The following NACC2 variants were observed in gnomAD, a reference collection of about 807,000 sequenced individuals.
NACC2 encodes NACC family member 2.
A neutral mutation model predicts 25.1 loss-of-function variants in NACC2; 8 were observed. The observed-to-expected ratio is 0.32, with a 90% CI of 0.19 to 0.57. NACC2 has a LOEUF of 0.57. Ranked by LOEUF, NACC2 falls within the 20% of genes least tolerant of loss-of-function variation. The pLI is 0.89. For missense variants in NACC2, 644 were observed against 650.2 expected, an observed-to-expected ratio of 0.99 and a Z score of 0.10; for synonymous variants, 435 against 294.7, an observed-to-expected ratio of 1.48 and a Z score of -4.88.
rs377302423 is a variant in NACC2 at position 136,060,513 on chromosome 9, C to T, written c.-59-9933G>A. On this transcript the variant is annotated intron_variant, in intron 1 of 5. Coordinates refer to ENST00000277554, the MANE Select transcript of NACC2 (RefSeq NM_144653.5). Reference sequence around the variant, plus strand: ...CAGGCCCAGGCCCCATCCCTCTCCCCTCCCTGAGGGTCAGCTCCACACTGG... The same window carrying T: ...CAGGCCCAGGCCCCATCCCTCTCCCTTCCCTGAGGGTCAGCTCCACACTGG... Among the ~76,000 whole-genome samples the T allele has an allele frequency of 5.1e-4, 78 of 152,376 alleles. 1 individual carries two copies. The East Asian group carries it at 0.011, about 22-fold the overall frequency.
rs1342029979 is a variant in NACC2 at position 136,050,031 on chromosome 9, G to GAGGGGGACACGACGT, written c.476_490dup (p.Tyr159_Pro163dup). 5.7e-6 allele frequency: 4 copies of GAGGGGGACACGACGT among 706,048 alleles called. No individual in the cohort carries two copies. The highest frequency in any genetic ancestry group is 1.7e-5 in the African/African-American group (1 of 57,912). The allele number at this position is 706,048 out of a possible 1,614,324, so 43.7% of individuals were successfully genotyped here. ...TCGGGTCAGCAGCGGGATGGGCACC[G>GAGGGGGACACGACGT]AGGGGGACACGACGTAGGGGGCCGC... is the stretch of plus-strand genomic sequence containing the variant. On this transcript the variant is annotated inframe_insertion, in exon 2 of 6. Transcript: ENST00000277554.
intron 2 of NACC2, among the ~76,000 whole-genome samples, chr9:136,027,204 G>A (rs1421328270): frequency 1.3e-5 from 2 of 152,170 alleles, no homozygotes; most frequent in Admixed American, 6.5e-5. Flanking sequence ...CAGCCTGGAC[G>A]ATGGAGCAAG....
intron 2 of NACC2, among the ~76,000 whole-genome samples, chr9:136,024,097 G>A (rs952791889): frequency 2.6e-4 from 40 of 151,918 alleles, no homozygotes; most frequent in Admixed American, 2.0e-4. Flanking sequence ...GCCAGAGTGT[G>A]TGTGTGTGTG....
intron 1 of NACC2, among the ~76,000 whole-genome samples, chr9:136,075,187 C>T (rs73552954): frequency 0.03 from 4,574 of 152,358 alleles, 84 homozygotes; most frequent in African/African-American, 0.047. Context: ...GCAACGCCCC[C>T]CACACACAGA....
intron 1 of NACC2, among the ~76,000 whole-genome samples, chr9:136,090,408 G>T (rs2131192816): frequency 6.6e-6 from 1 of 152,364 alleles, no homozygotes; most frequent in East Asian, 1.9e-4. Flanking sequence ...GAGTGAGAAG[G>T]TAACTCCTCC....
chr9:136,028,548 G>A (rs1840430206), intron 2 of NACC2, among the ~76,000 whole-genome samples: 1 of 152,146 alleles, frequency 6.6e-6, no homozygotes, highest in Admixed American at 6.5e-5. Context: ...GTCTGGACCA[G>A]CCACTGCCAT....
Position 136,013,182 on chromosome 9 carries a change from G to GA in NACC2, c.1255+16dup. ...CAGCCCCGGCCCCACCCACCCGAGA[G>GA]ACCCCCAGGCTCTTACATTTCACAG... On this transcript the variant is annotated intron_variant, in intron 5 of 5. Transcript: ENST00000277554. The surrounding 1 kb of genome is among the most constrained non-coding windows in gnomAD (Gnocchi z 6.6). 1.1e-6 allele frequency: 1 copy of GA among 888,470 alleles called. No individual in the cohort carries two copies. The highest frequency in any genetic ancestry group is 1.3e-5 in the South Asian group (1 of 76,242). 55.0% of individuals were successfully genotyped at this position (888,470 alleles called of 1,614,324 possible).
At position 136,055,863 on chromosome 9, in the gene NACC2, A is replaced by C. The variant is rs1302599366; in HGVS notation, c.-59-5283T>G. On this transcript the variant is annotated intron_variant, in intron 1 of 5. Coordinates refer to ENST00000277554, the MANE Select transcript of NACC2 (RefSeq NM_144653.5). The surrounding 1 kb of genome is among the most constrained non-coding windows in gnomAD (Gnocchi z 4.9). ...TAGTTAAGTGAGGACATCTCCTAAA[A>C]GGTCAATCGAAGGCGCTCCTGGAGC... 2.6e-5 allele frequency among the ~76,000 whole-genome samples: 4 copies of C among 152,130 alleles called. No homozygotes were observed. The highest frequency in any genetic ancestry group is 4.4e-5 in the Non-Finnish European group (3 of 68,038).
At chr9:136,046,829 A>C (rs938390468) in intron 2 of NACC2, among the ~76,000 whole-genome samples, 1 of 152,224 alleles carries the variant, frequency 6.6e-6, no homozygotes, top group African/African-American at 2.4e-5. Context: ...GAGGCCACAC[A>C]GACCATGGGG....
chr9:136,041,693 GC>G (rs1840635380), intron 2 of NACC2, among the ~76,000 whole-genome samples: 1 of 152,126 alleles, frequency 6.6e-6, no homozygotes, highest in South Asian at 2.1e-4. Flanking sequence ...TGGCCACACA[GC>G]TCTGAATATA....
chr9:136,092,714 C>G (rs539187660), intron 1 of NACC2, among the ~76,000 whole-genome samples: 6 of 152,324 alleles, frequency 3.9e-5, no homozygotes, highest in South Asian at 4.1e-4. Flanking sequence ...CAGGGGGCCC[C>G]ATAGTCAAGT....
In NACC2 at chr9:136,011,561, C is replaced by T. The variant is rs539894081; in HGVS notation, c.1719G>A (p.Ala573=). 2.4e-5 allele frequency: 34 copies of T among 1,408,860 alleles called. No individual in the cohort carries two copies. Among genetic ancestry groups the T allele is most frequent in the Middle Eastern group, 2.6e-4 (1 of 3,882 alleles). The allele number at this position is 1,408,860 out of a possible 1,614,324, so 87.3% of individuals were successfully genotyped here. A position where few individuals can be genotyped will look rare whatever the true frequency, so the allele number is the denominator to read the frequency against. ...GGGPSRPQTP[A]AAARRPEGTY... is the part of the protein sequence containing the mutation. The stretch of plus-strand genomic sequence containing the variant: ...TGCCCTCCGGCCTCCGGGCCGCGGC[C>T]GCCGGCGTCTGGGGCCTGCTGGGGC... Residue 573 remains alanine, a synonymous_variant, in exon 6 of 6, where the codon GCG becomes GCA. Coordinates refer to ENST00000277554, the MANE Select transcript of NACC2 (RefSeq NM_144653.5).
At chr9:136,014,033 A>G (rs1840156827) in intron 3 of NACC2, 64 bp from the exon 4 acceptor site, 1 of 615,314 alleles carries the variant, frequency 1.6e-6, no homozygotes, top group Non-Finnish European at 2.6e-6. Flanking sequence ...GAAGAGGCGC[A>G]CAGATGGGTG....
intron 1 of NACC2, among the ~76,000 whole-genome samples, chr9:136,050,852 G>A (rs1022197517): frequency 3.9e-5 from 6 of 152,138 alleles, no homozygotes; most frequent in Non-Finnish European, 8.8e-5. Flanking sequence ...CTCCCAGGGG[G>A]CTGCTCTTAG....
chr9:136,090,604 C>T (rs992212385), intron 1 of NACC2, among the ~76,000 whole-genome samples: 9 of 152,192 alleles, frequency 5.9e-5, no homozygotes, highest in Non-Finnish European at 1.0e-4. Flanking sequence ...GCAGCTCTGG[C>T]CAACAGCACA....
At chr9:136,014,239 G>A (rs552307743) in intron 3 of NACC2, among the ~76,000 whole-genome samples, 4 of 147,092 alleles carry the variant, frequency 2.7e-5, no homozygotes, top group East Asian at 2.2e-4. Flanking sequence ...CCTCCCCAAC[G>A]AGCCCCAAAC....
intron 2 of NACC2, among the ~76,000 whole-genome samples, chr9:136,021,673 T>C (rs1378002531): frequency 6.6e-6 from 1 of 152,194 alleles, no homozygotes; most frequent in Non-Finnish European, 1.5e-5. Context: ...CCGTCTCTAC[T>C]CTTGAATGCC....
intron 1 of NACC2, among the ~76,000 whole-genome samples, chr9:136,087,058 T>C (rs1280442655): frequency 1.3e-5 from 2 of 152,200 alleles, no homozygotes; most frequent in Non-Finnish European, 2.9e-5. Context: ...AGGGAGAAGT[T>C]TGGACACAGA....
Position 136,070,312 on chromosome 9 carries a change from C to A in NACC2, c.-59-19732G>T, listed in dbSNP as rs940161663. On this transcript the variant is annotated intron_variant, in intron 1 of 5. Transcript: ENST00000277554. ...CACAAGGTCAGGAGTTCAAGACCAG[C>A]CTGGCCAAGATGGTGAAACCCCGTC... 1.3e-4 allele frequency among the ~76,000 whole-genome samples: 19 copies of A among 151,324 alleles called. 2 individuals are homozygous for A. The highest frequency in any genetic ancestry group is 4.6e-4 in the African/African-American group (19 of 40,864).
Sources: allele counts gnomAD v4.1 joint callset (sites outside exome capture counted in the v4.1 genomes callset), GRCh38; gene constraint gnomAD v4.1.1; non-coding constraint Gnocchi (gnomAD v3.1); transcripts MANE v1.5; gene names NCBI Gene and HGNC (gene_info 2026-07-23, HGNC 2026-07-21).